Variants in DGKH observed in about 807,000 individuals in gnomAD.
DGKH encodes the protein diacylglycerol kinase eta, also known as DAG kinase eta.
In DGKH, 90 loss-of-function variants were observed where a neutral mutation model predicts 159.3. The observed-to-expected ratio is 0.57, with a 90% CI of 0.48 to 0.67. The LOEUF is 0.67. Ranked by LOEUF, DGKH falls within the 30% of genes least tolerant of loss-of-function variation. The pLI is 0.00. For synonymous variants in DGKH, 536 were observed against 553.8 expected (o/e 0.97, Z 0.45); for missense variants, 1,181 against 1,506.1 (o/e 0.78, Z 3.57).
At chr13:42,113,263 C>T (rs1954901460) in intron 1 of DGKH, among the ~76,000 whole-genome samples, 1 of 152,158 alleles carries the variant, frequency 6.6e-6, no homozygotes, top group Non-Finnish European at 1.5e-5. Context: ...CTGAATTATA[C>T]CTTTTTAAAG....
At chr13:42,053,793 G>A (rs1323472271) in intron 1 of DGKH, among the ~76,000 whole-genome samples, 1 of 151,774 alleles carries the variant, frequency 6.6e-6, no homozygotes, top group African/African-American at 2.4e-5. Context: ...TAATTTTTTT[G>A]TATTTTTGGT....
Position 42,235,438 on chromosome 13 carries a change from A to T in DGKH, c.*6250A>T, listed in dbSNP as rs1354936660. 2 of 152,166 alleles carry T rather than the reference A, an allele frequency of 1.3e-5. No individual in the cohort carries two copies. The highest frequency in any genetic ancestry group is 1.5e-5 in the Non-Finnish European group (1 of 68,002). The allele number at this position is 152,166 out of a possible 1,614,324, so 9.4% of individuals were successfully genotyped here. ...TTCAAAAGTGAATTAACCAAACCTA[A>T]AAAAAGGGTTACTTTTAAAATGCAT... On this transcript the variant is annotated 3_prime_UTR_variant, in exon 30 of 30. Transcript: ENST00000337343.
chr13:42,186,084 A>G (rs1956920284), intron 13 of DGKH, among the ~76,000 whole-genome samples: 1 of 151,430 alleles, frequency 6.6e-6, no homozygotes, highest in South Asian at 2.1e-4. Flanking sequence ...TCAAGTTCAT[A>G]ATACTGAAGT....
At chr13:42,065,592 G>A (rs893814552) in intron 1 of DGKH, among the ~76,000 whole-genome samples, 1 of 152,150 alleles carries the variant, frequency 6.6e-6, no homozygotes, top group African/African-American at 2.4e-5. Context: ...GGTGTGTGGA[G>A]TAATTGAGGG....
intron 18 of DGKH, 95 bp downstream of exon 18, chr13:42,198,690 A>G: frequency 1.9e-6 from 2 of 1,051,928 alleles, no homozygotes; most frequent in Middle Eastern, 2.2e-4. Flanking sequence ...ATTACAATAA[A>G]TATGGTCCCA....
At chr13:42,198,418 T>C (rs747206354) in intron 17 of DGKH, 60 bp from the exon 18 acceptor site, 160 of 1,455,718 alleles carry the variant, frequency 1.1e-4, no homozygotes, top group Non-Finnish European at 5.1e-5. Context: ...CTGGATGGAC[T>C]GGTTCTTTCT....
chr13:42,132,347 C>T (rs553022882), intron 3 of DGKH, among the ~76,000 whole-genome samples: 216 of 152,208 alleles, frequency 1.4e-3, no homozygotes, highest in Non-Finnish European at 1.8e-3. Context: ...AGTCATCCTA[C>T]GGTGCTATAG....
At chr13:42,245,554 A>G (rs962153650), downstream of DGKH, among the ~76,000 whole-genome samples, 1 of 152,124 alleles carries the variant, frequency 6.6e-6, no homozygotes, top group Non-Finnish European at 1.5e-5. Flanking sequence ...TTGGTTATCC[A>G]CACCCTTTAA....
chr13:42,115,600 T>G (rs1242727416), intron 1 of DGKH, among the ~76,000 whole-genome samples: 1 of 152,160 alleles, frequency 6.6e-6, no homozygotes, highest in Non-Finnish European at 1.5e-5. Flanking sequence ...TGAAAAAGCT[T>G]GGACACAGGG....
intron 1 of DGKH, among the ~76,000 whole-genome samples, chr13:42,040,504 G>C (rs1042247847): frequency 6.6e-6 from 1 of 151,718 alleles, no homozygotes; most frequent in East Asian, 1.9e-4. Flanking sequence ...GAGGGGCGGC[G>C]GGGGGGAGGG....
intron 30 of DGKH, chr13:42,256,115 G>A: frequency 1.7e-6 from 2 of 1,187,964 alleles, no homozygotes; most frequent in South Asian, 2.4e-5. Flanking sequence ...GCCAGGCAAG[G>A]TGAACCCTAC....
At chr13:42,087,661 T>C (rs911854562) in intron 1 of DGKH, among the ~76,000 whole-genome samples, 6 of 151,156 alleles carry the variant, frequency 4.0e-5, no homozygotes, top group African/African-American at 1.5e-4. Context: ...TAACAGATAC[T>C]ACAGAAGTAA....
upstream of DGKH, chr13:42,044,112 C>T (rs1880670868): frequency 6.6e-6 from 1 of 152,342 alleles, no homozygotes; most frequent in African/African-American, 2.4e-5. Flanking sequence ...CCCACCTCAG[C>T]CTCCTAACGT....
chr13:42,048,081 G>A (rs1386991109), upstream of DGKH, among the ~76,000 whole-genome samples: 2 of 129,294 alleles, frequency 1.5e-5, no homozygotes, highest in Non-Finnish European at 3.2e-5. The surrounding 1 kb of genome is among the most constrained non-coding windows in gnomAD (Gnocchi z 6.7). Flanking sequence ...GGACCCGACG[G>A]CCCTGGCGGA....
intron 3 of DGKH, among the ~76,000 whole-genome samples, chr13:42,145,570 A>G (rs1223762134): frequency 6.6e-6 from 1 of 152,136 alleles, no homozygotes; most frequent in Admixed American, 6.5e-5. Flanking sequence ...GTAAGAAACT[A>G]TTAAAGAGAG....
Position 42,242,820 on chromosome 13 carries a change from A to G in DGKH, c.*13632A>G, listed in dbSNP as rs1392693485. ...GTAATGGTTGATCCTGATGTACATG[A>G]TGATGAAAGACATCTTTCCCAAAGG... On this transcript the variant is annotated 3_prime_UTR_variant, in exon 30 of 30. Coordinates refer to ENST00000337343, the MANE Select transcript of DGKH (RefSeq NM_178009.5). 2 of 152,238 alleles carry G rather than the reference A, an allele frequency of 1.3e-5. No homozygotes were observed. Among genetic ancestry groups the G allele is most frequent in the Admixed American group, 6.5e-5 (1 of 15,290 alleles). The allele number at this position is 152,238 out of a possible 1,614,324, so 9.4% of individuals were successfully genotyped here.
chr13:42,155,428 C>A, intron 4 of DGKH, 33 bp downstream of exon 4: 2 of 1,588,884 alleles, frequency 1.3e-6, no homozygotes, highest in South Asian at 2.2e-5. Flanking sequence ...ATCTCGTGTT[C>A]TTAGGAAATA....
chr13:42,250,970 A>G (rs547264936), intron 29 of DGKH, among the ~76,000 whole-genome samples: 1 of 152,330 alleles, frequency 6.6e-6, no homozygotes, highest in Non-Finnish European at 1.5e-5. Context: ...TGCTGGCAAT[A>G]TGTTTAATGT....
intron 1 of DGKH, among the ~76,000 whole-genome samples, chr13:42,114,667 AAAT>A (rs1349502994): frequency 1.3e-5 from 2 of 152,236 alleles, no homozygotes; most frequent in Non-Finnish European, 1.5e-5. Flanking sequence ...CTAAGAAGTA[AAAT>A]AATATACATA....
Sources: allele counts gnomAD v4.1 joint callset (sites outside exome capture counted in the v4.1 genomes callset), GRCh38; gene constraint gnomAD v4.1.1; non-coding constraint Gnocchi (gnomAD v3.1); transcripts MANE v1.5; gene names NCBI Gene and HGNC (gene_info 2026-07-23, HGNC 2026-07-21).